The following LRRK1 variants were observed in gnomAD, a reference collection of about 807,000 sequenced individuals.
LRRK1 encodes leucine-rich repeat serine/threonine-protein kinase 1.
In LRRK1, 113 loss-of-function variants were observed where a neutral mutation model predicts 209.1. The observed-to-expected ratio is 0.54, with a 90% confidence interval of 0.46 to 0.63. LRRK1 has a LOEUF of 0.63. LRRK1 is among the 30% of genes least tolerant of loss of function. The probability of loss-of-function intolerance (pLI) is 0.00; values close to 1 mark genes in which losing one functional copy is unlikely to be tolerated. For synonymous variants in LRRK1, 1,144 were observed against 1,099.7 expected, an observed-to-expected ratio of 1.04 and a Z score of -0.80; for missense variants, 2,284 against 2,632.2, an observed-to-expected ratio of 0.87 and a Z score of 2.89.
intron 20 of LRRK1, among the ~76,000 whole-genome samples, chr15:101,038,449 C>A (rs1248241747): frequency 6.6e-6 from 1 of 152,142 alleles, no homozygotes; most frequent in East Asian, 1.9e-4. Context: ...AGAGTGAGCA[C>A]CCTCCGAGCA....
intron 12 of LRRK1, among the ~76,000 whole-genome samples, chr15:101,018,565 G>T (rs759736336): frequency 9.2e-5 from 14 of 152,286 alleles, no homozygotes; most frequent in Middle Eastern, 3.4e-3. Context: ...GGAGGAGTGT[G>T]CAAGGAAGTG....
chr15:101,052,209 C>T (rs1448351797), intron 24 of LRRK1, among the ~76,000 whole-genome samples: 1 of 152,230 alleles, frequency 6.6e-6, no homozygotes, highest in African/African-American at 2.4e-5. Context: ...GTGCAGCCAT[C>T]CTGCCTCCCC....
At chr15:100,984,281 C>T (rs1040947728) in intron 4 of LRRK1, among the ~76,000 whole-genome samples, 1 of 152,200 alleles carries the variant, frequency 6.6e-6, no homozygotes, top group Non-Finnish European at 1.5e-5. Flanking sequence ...TAGTGTGGGA[C>T]ATTTGTGACA....
chr15:101,048,726 G>T, intron 22 of LRRK1, 69 bp downstream of exon 22: 4 of 1,303,522 alleles, frequency 3.1e-6, no homozygotes, highest in Non-Finnish European at 4.1e-6. Flanking sequence ...GGCCACGTCA[G>T]CAGGATGCCT....
chr15:101,033,165 C>T (rs138048119), intron 20 of LRRK1, among the ~76,000 whole-genome samples: 231 of 152,170 alleles, frequency 1.5e-3, no homozygotes, highest in Middle Eastern at 0.014. Context: ...TAATATTTTA[C>T]GTATTTATGG....
At chr15:101,001,415 G>A (rs1232447683) in intron 6 of LRRK1, among the ~76,000 whole-genome samples, 1 of 152,158 alleles carries the variant, frequency 6.6e-6, no homozygotes, top group Non-Finnish European at 1.5e-5. Context: ...GAGCATCTTT[G>A]TTTTCAGGGC....
At chr15:100,928,620 C>T (rs1343504556) in intron 2 of LRRK1, among the ~76,000 whole-genome samples, 4 of 152,212 alleles carry the variant, frequency 2.6e-5, no homozygotes, top group South Asian at 2.1e-4. Context: ...TATACTTCCA[C>T]GTGTGCGTTA....
At chr15:101,035,146 G>A (rs2034445969) in intron 20 of LRRK1, among the ~76,000 whole-genome samples, 1 of 151,774 alleles carries the variant, frequency 6.6e-6, no homozygotes, top group South Asian at 2.1e-4. Context: ...TGCTGATTTT[G>A]GGTTTGGTTT....
intron 6 of LRRK1, among the ~76,000 whole-genome samples, chr15:100,991,272 T>C (rs985339393): frequency 1.3e-5 from 2 of 152,224 alleles, no homozygotes; most frequent in African/African-American, 4.8e-5. Flanking sequence ...TAATGCAAGT[T>C]TTCTGTTCAT....
intron 4 of LRRK1, among the ~76,000 whole-genome samples, chr15:100,986,098 T>A (rs2031851288): frequency 6.6e-6 from 1 of 151,868 alleles, no homozygotes; most frequent in Non-Finnish European, 1.5e-5. Flanking sequence ...CCCAGGTACT[T>A]GGGAGGGTGA....
At chr15:101,021,336 A>G (rs2033775715) in intron 13 of LRRK1, among the ~76,000 whole-genome samples, 154 bp downstream of exon 13, 1 of 152,144 alleles carries the variant, frequency 6.6e-6, no homozygotes. Context: ...GGGCTTGATC[A>G]AGGAGGTGGG....
At chr15:100,936,519 A>T (rs1039040868) in intron 2 of LRRK1, among the ~76,000 whole-genome samples, 1 of 152,250 alleles carries the variant, frequency 6.6e-6, no homozygotes, top group Admixed American at 6.5e-5. Flanking sequence ...ATGGCATGGC[A>T]TGTGGCCCCC....
chr15:101,031,228 G>A (rs1446711850), intron 20 of LRRK1, among the ~76,000 whole-genome samples: 1 of 152,202 alleles, frequency 6.6e-6, no homozygotes, highest in East Asian at 1.9e-4. Context: ...GACACAGAAT[G>A]TTCCTGTCAT....
rs142267631 is a variant in LRRK1, at chr15:100,996,410, C to T, written c.762+7012C>T. Among the ~76,000 whole-genome samples the T allele has an allele frequency of 3.7e-3, 562 of 152,350 alleles. 5 individuals are homozygous for T. Among genetic ancestry groups the T allele is most frequent in the African/African-American group, 0.012 (489 of 41,586 alleles). On this transcript the variant is annotated intron_variant, in intron 6 of 33. Coordinates refer to ENST00000388948, the MANE Select transcript of LRRK1 (RefSeq NM_024652.6). Reference sequence around the variant, plus strand: ...CTCTTGGCCTGGCCTGTTCCACAGTCGCTCGTGTGAACAGAAGAGGAGGCC... The same window carrying T: ...CTCTTGGCCTGGCCTGTTCCACAGTTGCTCGTGTGAACAGAAGAGGAGGCC...
At chr15:100,922,618 G>A (rs369672722) in intron 1 of LRRK1, among the ~76,000 whole-genome samples, 1 of 152,212 alleles carries the variant, frequency 6.6e-6, no homozygotes, top group East Asian at 1.9e-4. Flanking sequence ...ATGTGTGATC[G>A]GAACGTTTAT....
intron 6 of LRRK1, among the ~76,000 whole-genome samples, chr15:101,007,403 CAA>C (rs1228885860): frequency 6.6e-6 from 1 of 152,216 alleles, no homozygotes; most frequent in African/African-American, 2.4e-5. Context: ...GAAGAAAGAG[CAA>C]AGTCCTGCTC....
rs2033854806 is a variant in LRRK1 at position 101,022,697 on chromosome 15, G to A, written c.2067+100G>A. 1 of 862,482 alleles carries A rather than the reference G, an allele frequency of 1.2e-6. No individual in the cohort carries two copies. The highest frequency in any genetic ancestry group is 1.7e-5 in the African/African-American group (1 of 59,948). 53.4% of individuals were successfully genotyped at this position (862,482 alleles called of 1,614,324 possible). A position where few individuals can be genotyped will look rare whatever the true frequency, so the allele number is the denominator to read the frequency against. The stretch of plus-strand genomic sequence containing the variant: ...GAGAGCCCAGGATTTTCTCAGCCTG[G>A]TGTCCAAAGCTCAGGCCCTTTGCAG... On this transcript the variant is annotated intron_variant, in intron 15 of 33. Transcript: ENST00000388948. The surrounding 1 kb of genome is among the most constrained non-coding windows in gnomAD (Gnocchi z 4.0).
chr15:101,017,366 T>C (rs1258039008), intron 12 of LRRK1, among the ~76,000 whole-genome samples: 1 of 152,086 alleles, frequency 6.6e-6, no homozygotes, highest in Non-Finnish European at 1.5e-5. Flanking sequence ...TATATGTGAC[T>C]GAAAAAGGAA....
chr15:100,986,139 A>G (rs1347455815), intron 4 of LRRK1, among the ~76,000 whole-genome samples: 2 of 152,196 alleles, frequency 1.3e-5, no homozygotes. Context: ...CCAGGAGTCC[A>G]AGGCTGCAGT....
Sources: allele counts gnomAD v4.1 joint callset (sites outside exome capture counted in the v4.1 genomes callset), GRCh38; gene constraint gnomAD v4.1.1; non-coding constraint Gnocchi (gnomAD v3.1); transcripts MANE v1.5; gene names NCBI Gene and HGNC (gene_info 2026-07-23, HGNC 2026-07-21).